Variants in FAF1 observed in about 807,000 individuals in gnomAD.
FAF1 encodes Fas associated factor 1, also known as FAS-associated factor 1.
A neutral mutation model predicts 92.5 loss-of-function variants in FAF1; 25 were observed. That is an observed-to-expected ratio of 0.27 (90% CI 0.20 to 0.38). The LOEUF (loss-of-function observed/expected upper bound fraction) is 0.38. Ranked by LOEUF, FAF1 falls within the 10% of genes least tolerant of loss-of-function variation. FAF1 has a pLI of 1.00. For missense variants in FAF1, 636 were observed against 793.3 expected, an observed-to-expected ratio of 0.80 and a Z score of 2.38; for synonymous variants, 234 against 273.2, an observed-to-expected ratio of 0.86 and a Z score of 1.42.
intron 15 of FAF1, among the ~76,000 whole-genome samples, chr1:50,517,395 TAAGTA>T (rs1387992107): frequency 6.6e-6 from 1 of 152,202 alleles, no homozygotes; most frequent in Non-Finnish European, 1.5e-5. Flanking sequence ...GAAGTAAGAT[TAAGTA>T]AATTCTAAAG....
At chr1:50,694,455 A>G (rs1657097204) in intron 7 of FAF1, among the ~76,000 whole-genome samples, 1 of 151,782 alleles carries the variant, frequency 6.6e-6, no homozygotes, top group East Asian at 1.9e-4. Context: ...AATCTTACTA[A>G]TTATCTCACT....
intron 2 of FAF1, among the ~76,000 whole-genome samples, chr1:50,824,383 T>C (rs936014882): frequency 6.6e-6 from 1 of 152,160 alleles, no homozygotes; most frequent in African/African-American, 2.4e-5. Flanking sequence ...ATCATTCATT[T>C]AGCACATACT....
At chr1:50,875,237 T>C (rs1362074278) in intron 1 of FAF1, among the ~76,000 whole-genome samples, 1 of 152,014 alleles carries the variant, frequency 6.6e-6, no homozygotes, top group Non-Finnish European at 1.5e-5. Flanking sequence ...TTTCAGACTG[T>C]AGATTTTGGG....
intron 13 of FAF1, among the ~76,000 whole-genome samples, chr1:50,557,708 A>T (rs1357270739): frequency 1.3e-5 from 2 of 152,080 alleles, no homozygotes; most frequent in Non-Finnish European, 2.9e-5. Context: ...TTTATAGAAG[A>T]GGAGAAATGT....
At chr1:50,592,058 C>A (rs1346686659) in intron 9 of FAF1, among the ~76,000 whole-genome samples, 3 of 151,298 alleles carry the variant, frequency 2.0e-5, no homozygotes, top group Non-Finnish European at 4.4e-5. Context: ...GGGAGAAAGA[C>A]AAACAAAGTT....
chr1:50,537,881 A>G (rs1648566417), intron 14 of FAF1, among the ~76,000 whole-genome samples: 2 of 152,188 alleles, frequency 1.3e-5, no homozygotes, highest in African/African-American at 4.8e-5. Flanking sequence ...ATGTTCTTTG[A>G]TAATACACTT....
intron 15 of FAF1, among the ~76,000 whole-genome samples, chr1:50,504,242 C>T (rs1647026671): frequency 6.6e-6 from 1 of 151,200 alleles, no homozygotes. Flanking sequence ...AAGATACAGT[C>T]AAGAGTATCC....
intron 18 of FAF1, among the ~76,000 whole-genome samples, chr1:50,464,267 A>G (rs1390947922): frequency 1.3e-5 from 2 of 152,100 alleles, no homozygotes; most frequent in Non-Finnish European, 2.9e-5. Flanking sequence ...CTGGCCTCTC[A>G]AAGAGTTGAG....
intron 13 of FAF1, among the ~76,000 whole-genome samples, chr1:50,541,057 A>G (rs960761614): frequency 1.3e-5 from 2 of 152,230 alleles, no homozygotes; most frequent in Non-Finnish European, 2.9e-5. Flanking sequence ...GACAAACGGC[A>G]TTAAAATGTC....
At chr1:50,726,656 A>G (rs539427280) in intron 6 of FAF1, among the ~76,000 whole-genome samples, 2 of 152,130 alleles carry the variant, frequency 1.3e-5, no homozygotes, top group African/African-American at 4.8e-5. Flanking sequence ...AGTGAAACCC[A>G]GTCTCTACTA....
chr1:50,480,464 A>C (rs184911832), intron 17 of FAF1, among the ~76,000 whole-genome samples: 221 of 152,342 alleles, frequency 1.5e-3, no homozygotes, highest in Non-Finnish European at 1.1e-3. Context: ...AAATAGGCTA[A>C]AGCTAACATT....
intron 1 of FAF1, among the ~76,000 whole-genome samples, chr1:50,909,419 C>T (rs1441140625): frequency 1.3e-5 from 2 of 152,152 alleles, no homozygotes; most frequent in Non-Finnish European, 2.9e-5. Flanking sequence ...TGAATGTTGG[C>T]CTGCCTTGCT....
chr1:50,726,925 G>A (rs1033131038), intron 6 of FAF1, among the ~76,000 whole-genome samples: 2 of 152,236 alleles, frequency 1.3e-5, no homozygotes, highest in Admixed American at 6.5e-5. Context: ...TGCAAAGACT[G>A]TCTTTTATTA....
At chr1:50,883,138 T>C (rs1379929788) in intron 1 of FAF1, among the ~76,000 whole-genome samples, 1 of 151,938 alleles carries the variant, frequency 6.6e-6, no homozygotes, top group East Asian at 1.9e-4. Context: ...TAGGATGCAA[T>C]TCAAATGCCT....
intron 2 of FAF1, among the ~76,000 whole-genome samples, chr1:50,812,156 T>C (rs796783862): frequency 6.6e-6 from 1 of 152,118 alleles, no homozygotes; most frequent in Non-Finnish European, 1.5e-5. Flanking sequence ...AAAGATTTCA[T>C]GACAAACACG....
intron 15 of FAF1, among the ~76,000 whole-genome samples, chr1:50,503,213 T>A (rs184105206): frequency 2.6e-5 from 4 of 152,296 alleles, no homozygotes; most frequent in Admixed American, 2.6e-4. Flanking sequence ...CTGTTAATAA[T>A]TGCTAAATGG....
At chr1:50,818,956 T>C (rs139913505) in intron 2 of FAF1, among the ~76,000 whole-genome samples, 41 of 152,332 alleles carry the variant, frequency 2.7e-4, no homozygotes, top group African/African-American at 8.4e-4. Context: ...ATATTTTAAA[T>C]AATTTTTTGC....
At chr1:50,799,064 G>C (rs539091288) in intron 3 of FAF1, among the ~76,000 whole-genome samples, 11 of 152,186 alleles carry the variant, frequency 7.2e-5, no homozygotes, top group Non-Finnish European at 1.6e-4. Flanking sequence ...TGCCAGCCTC[G>C]GCCTCCCAAA....
intron 1 of FAF1, among the ~76,000 whole-genome samples, chr1:50,890,616 T>C (rs1644711296): frequency 6.6e-6 from 1 of 152,198 alleles, no homozygotes; most frequent in African/African-American, 2.4e-5. Context: ...CCCCTTCACT[T>C]ATGAAGCTTA....
Sources: allele counts gnomAD v4.1 joint callset (sites outside exome capture counted in the v4.1 genomes callset), GRCh38; gene constraint gnomAD v4.1.1; transcripts MANE v1.5; gene names NCBI Gene and HGNC (gene_info 2026-07-23, HGNC 2026-07-21).